SUMF1: variants seen among roughly 807,000 people sequenced by gnomAD.
SUMF1 encodes the protein sulfatase modifying factor 1, also known as formylglycine-generating enzyme.
In SUMF1, 48 loss-of-function variants were observed where a neutral mutation model predicts 47.6. That is an observed-to-expected ratio of 1.01 (90% CI 0.80 to 1.28). The LOEUF is 1.28. SUMF1 is among the 50% of genes most tolerant of loss of function. The pLI is 0.00. For missense variants in SUMF1, 571 were observed against 485.4 expected (o/e 1.18, Z -1.66); for synonymous variants, 230 against 192.1 (o/e 1.20, Z -1.63).
At chr3:4,046,559 A>T (rs1695010797) in intron 9 of SUMF1, among the ~76,000 whole-genome samples, 1 of 152,128 alleles carries the variant, frequency 6.6e-6, no homozygotes, top group Non-Finnish European at 1.5e-5. Context: ...ATATCCAGTC[A>T]TTCAAGGAAA....
intron 8 of SUMF1, among the ~76,000 whole-genome samples, chr3:4,145,697 A>G (rs1361703693): frequency 6.6e-6 from 1 of 152,210 alleles, no homozygotes; most frequent in Non-Finnish European, 1.5e-5. Flanking sequence ...TGGAAAACAT[A>G]TTCAAACCTC....
intron 8 of SUMF1, among the ~76,000 whole-genome samples, chr3:4,162,272 G>C (rs1453125001): frequency 1.3e-5 from 2 of 152,172 alleles, no homozygotes; most frequent in Non-Finnish European, 2.9e-5. Flanking sequence ...CGCTACCTGA[G>C]GTTGGGGGAG....
chr3:4,360,975 T>C (rs557081050), downstream of SUMF1, among the ~76,000 whole-genome samples: 163 of 152,234 alleles, frequency 1.1e-3, no homozygotes, highest in Non-Finnish European at 2.1e-3. Context: ...ACTGGTGGAA[T>C]AGCCTTGCTT....
At position 4,376,920 on chromosome 3, in the gene SUMF1, C is replaced by T. The variant is rs563404547; in HGVS notation, c.955-531G>A. On this transcript the variant is annotated intron_variant, in intron 7 of 8. Transcript: ENST00000272902. ...AAGCAATCCTCCCTCCTCAGCCTCC[C>T]AAGTAGCTAGAACCACAGGCATGAA... Among the ~76,000 whole-genome samples the T allele has an allele frequency of 1.6e-4, 25 of 152,204 alleles. No homozygotes were observed. In the East Asian group the frequency reaches 1.7e-3, roughly 11 times the overall value.
chr3:4,094,208 C>A (rs1405280182), intron 8 of SUMF1, among the ~76,000 whole-genome samples: 1 of 152,022 alleles, frequency 6.6e-6, no homozygotes, highest in Non-Finnish European at 1.5e-5. Flanking sequence ...AGTTGAGAAG[C>A]CTATCGGACT....
intron 8 of SUMF1, among the ~76,000 whole-genome samples, chr3:4,278,421 G>T (rs7646944): frequency 0.043 from 6,507 of 152,080 alleles, 441 homozygotes; most frequent in African/African-American, 0.15. Context: ...TTTTAAAGGA[G>T]AAATTGTTAG....
intron 9 of SUMF1, among the ~76,000 whole-genome samples, chr3:4,056,414 C>T (rs967136307): frequency 6.6e-6 from 1 of 151,814 alleles, no homozygotes; most frequent in Non-Finnish European, 1.5e-5. Context: ...TGGTTCATGC[C>T]TGTAACCTCA....
intron 8 of SUMF1, among the ~76,000 whole-genome samples, chr3:4,114,350 G>T (rs189580247): frequency 6.6e-6 from 1 of 152,078 alleles, no homozygotes; most frequent in Non-Finnish European, 1.5e-5. Context: ...AAAAGGAAAT[G>T]AGTCTAGACT....
chr3:4,166,813 C>A (rs1253186409), intron 8 of SUMF1, among the ~76,000 whole-genome samples: 9 of 152,084 alleles, frequency 5.9e-5, no homozygotes, highest in Non-Finnish European at 1.3e-4. Flanking sequence ...ACCCTCAGCT[C>A]AGTCCAGAAG....
intron 9 of SUMF1, among the ~76,000 whole-genome samples, chr3:4,067,582 T>C (rs559415517): frequency 8.3e-4 from 126 of 152,310 alleles, no homozygotes; most frequent in African/African-American, 2.2e-3. Flanking sequence ...CAGGAGGCAA[T>C]TGAGCAAGCT....
intron 8 of SUMF1, among the ~76,000 whole-genome samples, chr3:4,187,345 G>A (rs1280763738): frequency 1.3e-5 from 2 of 152,154 alleles, no homozygotes; most frequent in Non-Finnish European, 2.9e-5. Context: ...CCCCAGCCTG[G>A]GAGACAGAGT....
chr3:4,206,876 C>T (rs1482613479), intron 8 of SUMF1, among the ~76,000 whole-genome samples: 1 of 151,902 alleles, frequency 6.6e-6, no homozygotes, highest in Non-Finnish European at 1.5e-5. Flanking sequence ...AACTAGTTGT[C>T]AATTTCTATG....
At chr3:4,123,798 CTG>C (rs1176350212) in intron 8 of SUMF1, among the ~76,000 whole-genome samples, 3 of 152,098 alleles carry the variant, frequency 2.0e-5, no homozygotes, top group African/African-American at 7.2e-5. Context: ...CATAATATCT[CTG>C]AGGTCTTGTT....
At chr3:4,078,844 G>T (rs1292857244) in intron 8 of SUMF1, among the ~76,000 whole-genome samples, 1 of 152,116 alleles carries the variant, frequency 6.6e-6, no homozygotes, top group East Asian at 1.9e-4. Flanking sequence ...GGGACAGAGA[G>T]GGGTTTAATA....
At chr3:4,120,599 C>G (rs1008190496) in intron 8 of SUMF1, among the ~76,000 whole-genome samples, 1 of 152,078 alleles carries the variant, frequency 6.6e-6, no homozygotes, top group African/African-American at 2.4e-5. Flanking sequence ...GGCCAAACAG[C>G]TGGCCTAAGA....
intron 1 of SUMF1, among the ~76,000 whole-genome samples, chr3:4,454,285 G>A (rs1203035415): frequency 6.6e-6 from 1 of 152,176 alleles, no homozygotes; most frequent in Non-Finnish European, 1.5e-5. Flanking sequence ...ACTGAGCACA[G>A]GATCTGAGGA....
At chr3:4,163,333 TGA>T (rs977359677) in intron 8 of SUMF1, among the ~76,000 whole-genome samples, 21 of 103,050 alleles carry the variant, frequency 2.0e-4, no homozygotes, top group Admixed American at 3.7e-4. Flanking sequence ...TTCATGCAGA[TGA>T]GAGAGAGAGA....
chr3:4,167,605 G>A (rs563282160), intron 8 of SUMF1, among the ~76,000 whole-genome samples: 1 of 152,254 alleles, frequency 6.6e-6, no homozygotes, highest in East Asian at 1.9e-4. Flanking sequence ...GCTGATTGGT[G>A]CATTTTACAA....
intron 8 of SUMF1, among the ~76,000 whole-genome samples, chr3:4,250,483 C>A (rs75995764): frequency 0.016 from 2,453 of 151,936 alleles, 75 homozygotes; most frequent in African/African-American, 0.056. Flanking sequence ...AAGATATAGC[C>A]AAGATAATTC....
Sources: gnomAD v4.1 joint callset for allele counts (sites outside exome capture counted in the v4.1 genomes callset) on GRCh38, gnomAD v4.1.1 for gene constraint, MANE v1.5 for transcripts, NCBI Gene and HGNC (gene_info 2026-07-23, HGNC 2026-07-21) for gene names.